Variants in NRG3 observed in about 807,000 individuals in gnomAD.
NRG3 encodes the protein pro-neuregulin-3, membrane-bound isoform.
A neutral mutation model predicts 66.9 loss-of-function variants in NRG3; 31 were observed. The ratio of observed to expected loss-of-function variants is 0.46; its 90% CI spans 0.35 to 0.63. NRG3 has a LOEUF of 0.63. Ranked by LOEUF, NRG3 falls within the 20% of genes least tolerant of loss-of-function variation. The pLI is 0.00. For missense variants in NRG3, 910 were observed against 878.9 expected (o/e 1.04, Z -0.45); for synonymous variants, 393 against 359.4 (o/e 1.09, Z -1.06).
chr10:81,962,533 C>T lies in NRG3; in HGVS notation c.823+86370C>T, dbSNP rs566936018. ...AATCCTAGATAGAAATGTATGTTCCCGTCTCCCTAAACATAGTAGCTGTCT... is the reference window on the plus strand; with the variant it reads ...AATCCTAGATAGAAATGTATGTTCCTGTCTCCCTAAACATAGTAGCTGTCT... On this transcript the variant is annotated intron_variant, in intron 1 of 8. Transcript: ENST00000372141. 4.7e-4 allele frequency among the ~76,000 whole-genome samples: 72 copies of T among 152,256 alleles called. 2 individuals carry two copies. In the South Asian group the frequency reaches 0.014, roughly 29 times the overall value.
chr10:82,114,496 G>T (rs1043314189), intron 1 of NRG3, among the ~76,000 whole-genome samples: 1 of 152,132 alleles, frequency 6.6e-6, no homozygotes, highest in Admixed American at 6.6e-5. Context: ...AGCTGTGCCT[G>T]TAAGAAAAGA....
chr10:82,487,150 T>C (rs1165268910), intron 2 of NRG3, among the ~76,000 whole-genome samples: 1 of 149,566 alleles, frequency 6.7e-6, no homozygotes, highest in East Asian at 1.9e-4. Context: ...TCATCATCAA[T>C]GTGCTAAATC....
intron 1 of NRG3, among the ~76,000 whole-genome samples, chr10:82,129,040 GTA>G (rs2068642511): frequency 1.3e-5 from 2 of 151,930 alleles, no homozygotes; most frequent in Non-Finnish European, 2.9e-5. Flanking sequence ...AGCCTCGCAA[GTA>G]GCTGTGATTA....
chr10:82,095,442 T>C (rs2066277937), intron 1 of NRG3, among the ~76,000 whole-genome samples: 1 of 152,126 alleles, frequency 6.6e-6, no homozygotes, highest in Non-Finnish European at 1.5e-5. Flanking sequence ...ATCAGCTAAA[T>C]CAAGAAGGCT....
At chr10:82,368,599 C>A (rs2084688093) in intron 2 of NRG3, among the ~76,000 whole-genome samples, 1 of 137,852 alleles carries the variant, frequency 7.3e-6, no homozygotes, top group Non-Finnish European at 1.5e-5. Context: ...ACTGCCTCAC[C>A]AGGCACCTGC....
intron 1 of NRG3, among the ~76,000 whole-genome samples, chr10:81,947,543 C>G (rs1303204887): frequency 2.0e-5 from 3 of 152,078 alleles, no homozygotes; most frequent in Non-Finnish European, 2.9e-5. Flanking sequence ...CTCATAGTGG[C>G]ATTCTGACAT....
intron 1 of NRG3, among the ~76,000 whole-genome samples, chr10:81,938,809 G>C (rs1192338854): frequency 2.0e-5 from 3 of 151,998 alleles, no homozygotes; most frequent in African/African-American, 4.8e-5. Flanking sequence ...AATAGAAGTG[G>C]TGAGAGTGGG....
At chr10:82,072,789 C>T (rs1344282487) in intron 1 of NRG3, among the ~76,000 whole-genome samples, 2 of 151,456 alleles carry the variant, frequency 1.3e-5, no homozygotes, top group African/African-American at 4.8e-5. Flanking sequence ...TTTTAAGAGA[C>T]AGGGTCTTGC....
At chr10:82,941,501 C>T (rs1848573810) in intron 4 of NRG3, among the ~76,000 whole-genome samples, 1 of 152,114 alleles carries the variant, frequency 6.6e-6, no homozygotes, top group Non-Finnish European at 1.5e-5. Context: ...TTTAATCTAT[C>T]CCAAGCATTT....
chr10:82,444,127 G>C (rs2136477329), intron 2 of NRG3, among the ~76,000 whole-genome samples: 1 of 152,270 alleles, frequency 6.6e-6, no homozygotes, highest in African/African-American at 2.4e-5. Context: ...TTTTGAGATG[G>C]AGCCTTGCTC....
At chr10:82,383,329 G>A (rs372190408) in intron 2 of NRG3, among the ~76,000 whole-genome samples, 54 of 151,798 alleles carry the variant, frequency 3.6e-4, no homozygotes, top group African/African-American at 1.2e-3. Flanking sequence ...GTCCCCAAAT[G>A]AGTGCATTTA....
intron 4 of NRG3, among the ~76,000 whole-genome samples, chr10:82,939,726 C>T (rs921183062): frequency 2.6e-5 from 4 of 152,020 alleles, no homozygotes; most frequent in African/African-American, 7.2e-5. Flanking sequence ...GCCTCGGCCT[C>T]CCGAAGTGCT....
chr10:82,299,906 G>A (rs1022979966), intron 1 of NRG3, among the ~76,000 whole-genome samples: 1 of 152,078 alleles, frequency 6.6e-6, no homozygotes, highest in Non-Finnish European at 1.5e-5. Context: ...TTATCCATGG[G>A]CAACCCCATT....
chr10:82,656,681 G>A (rs1276227802), intron 2 of NRG3, among the ~76,000 whole-genome samples: 1 of 152,022 alleles, frequency 6.6e-6, no homozygotes, highest in Admixed American at 6.6e-5. Context: ...CCTGGTACCT[G>A]TCCAGCAAGG....
chr10:82,487,239 A>G (rs1285650130), intron 2 of NRG3, among the ~76,000 whole-genome samples: 1 of 151,966 alleles, frequency 6.6e-6, no homozygotes, highest in Admixed American at 6.6e-5. Flanking sequence ...AGAAATTGTA[A>G]GTCAGTATAA....
intron 2 of NRG3, among the ~76,000 whole-genome samples, chr10:82,730,352 G>T (rs2057838003): frequency 6.6e-6 from 1 of 151,982 alleles, no homozygotes; most frequent in South Asian, 2.1e-4. Flanking sequence ...CCAAAGTTCT[G>T]GGATTACAGG....
intron 3 of NRG3, among the ~76,000 whole-genome samples, chr10:82,833,286 A>G (rs1371417264): frequency 6.6e-6 from 1 of 152,092 alleles, no homozygotes; most frequent in Non-Finnish European, 1.5e-5. Flanking sequence ...CAGAACTTCA[A>G]CAGATCTTAA....
intron 2 of NRG3, among the ~76,000 whole-genome samples, chr10:82,441,301 T>C (rs1309524352): frequency 6.6e-6 from 1 of 152,194 alleles, no homozygotes; most frequent in African/African-American, 2.4e-5. Context: ...AATACACATA[T>C]AAGGGATTTC....
rs200539452 is a variant in NRG3, at chr10:82,558,900, C to T, written c.954-179677C>T. Among the ~76,000 whole-genome samples, 37 of 152,104 alleles carry T rather than the reference C, an allele frequency of 2.4e-4. No individual in the cohort carries two copies. In the East Asian group the frequency reaches 5.0e-3, roughly 21 times the overall value. On this transcript the variant is annotated intron_variant, in intron 2 of 8. Transcript: ENST00000372141. The stretch of plus-strand genomic sequence containing the variant: ...TTGTTATTTTCTACAAAGGAAAGTG[C>T]TCTATTTTTTGATTATTTAAATATT...
Sources: allele counts gnomAD v4.1 joint callset (sites outside exome capture counted in the v4.1 genomes callset), GRCh38; gene constraint gnomAD v4.1.1; transcripts MANE v1.5; gene names NCBI Gene and HGNC (gene_info 2026-07-23, HGNC 2026-07-21).